ARID2: variants seen among roughly 807,000 people sequenced by gnomAD.
ARID2 encodes AT-rich interactive domain-containing protein 2.
A neutral mutation model predicts 184.6 loss-of-function variants in ARID2; 32 were observed. That is an observed-to-expected ratio of 0.17 (90% CI 0.13 to 0.23). The LOEUF (loss-of-function observed/expected upper bound fraction) is 0.23. Ranked by LOEUF, ARID2 falls within the 10% of genes least tolerant of loss-of-function variation. The pLI is 1.00. For synonymous variants in ARID2, 836 were observed against 772.6 expected (o/e 1.08, Z -1.36); for missense variants, 1,696 against 2,197.6 (o/e 0.77, Z 4.56).
At chr12:45,898,285 G>A (rs564427670) in intron 20 of ARID2, among the ~76,000 whole-genome samples, 4 of 152,302 alleles carry the variant, frequency 2.6e-5, no homozygotes, top group Admixed American at 2.6e-4. Context: ...GGTAGTTCAG[G>A]AATGGAGAGT....
chr12:45,821,600 C>G, intron 6 of ARID2, 113 bp downstream of exon 6: 1 of 535,302 alleles, frequency 1.9e-6, no homozygotes, highest in Non-Finnish European at 3.1e-6. Flanking sequence ...TTTATCTTTA[C>G]CTAATACATA....
intron 6 of ARID2, among the ~76,000 whole-genome samples, chr12:45,831,163 C>CT (rs1484374102): frequency 6.6e-6 from 1 of 151,994 alleles, no homozygotes; most frequent in Non-Finnish European, 1.5e-5. Context: ...TATTGCTGCA[C>CT]TTTTTCTAAC....
At chr12:45,900,230 T>C (rs571135058) in intron 20 of ARID2, among the ~76,000 whole-genome samples, 1 of 152,200 alleles carries the variant, frequency 6.6e-6, no homozygotes, top group South Asian at 2.1e-4. Flanking sequence ...CTGGCTAATT[T>C]TTTTATTTCT....
chr12:45,732,775 C>T (rs978047956), intron 3 of ARID2, among the ~76,000 whole-genome samples: 6 of 152,006 alleles, frequency 3.9e-5, no homozygotes, highest in Admixed American at 2.6e-4. Context: ...GATTGATTGA[C>T]TTAAGTTTTA....
At chr12:45,805,572 G>A (rs1040194147) in intron 3 of ARID2, among the ~76,000 whole-genome samples, 2 of 151,872 alleles carry the variant, frequency 1.3e-5, no homozygotes, top group Admixed American at 1.3e-4. Context: ...CCTATTATTA[G>A]TCATCTGTAT....
chr12:45,899,228 C>T (rs1189415913), intron 20 of ARID2, among the ~76,000 whole-genome samples: 3 of 128,360 alleles, frequency 2.3e-5, no homozygotes, highest in African/African-American at 9.1e-5. Context: ...GCCAAGATCA[C>T]ACCACTGCAT....
chr12:45,785,631 G>C (rs1366271549), intron 3 of ARID2, among the ~76,000 whole-genome samples: 2 of 152,070 alleles, frequency 1.3e-5, no homozygotes, highest in South Asian at 2.1e-4. Context: ...ATGCCAACAT[G>C]ACACTTAAAG....
intron 15 of ARID2, among the ~76,000 whole-genome samples, chr12:45,854,593 T>G (rs1943611384): frequency 6.6e-6 from 1 of 152,174 alleles, no homozygotes; most frequent in Admixed American, 6.6e-5. Flanking sequence ...TTTAATAATT[T>G]CCCACTTCAC....
intron 3 of ARID2, among the ~76,000 whole-genome samples, chr12:45,765,929 A>G (rs1592062622): frequency 6.6e-6 from 1 of 152,236 alleles, no homozygotes; most frequent in African/African-American, 2.4e-5. Context: ...ATGAAATCAT[A>G]CAATTTGTAC....
At chr12:45,831,141 C>CAT (rs1018994587) in intron 6 of ARID2, among the ~76,000 whole-genome samples, 23 of 151,550 alleles carry the variant, frequency 1.5e-4, no homozygotes, top group Non-Finnish European at 8.8e-5. Flanking sequence ...TTCTGCTTTT[C>CAT]ATATATCTTT....
chr12:45,899,447 T>C (rs377411642), intron 20 of ARID2, among the ~76,000 whole-genome samples: 3 of 137,678 alleles, frequency 2.2e-5, no homozygotes, highest in Non-Finnish European at 4.7e-5. Context: ...TAGTAAAATA[T>C]ACAAAAAAAT....
chr12:45,813,992 A>G (rs1472861936), intron 4 of ARID2, among the ~76,000 whole-genome samples: 1 of 151,908 alleles, frequency 6.6e-6, no homozygotes, highest in African/African-American at 2.4e-5. Context: ...TATTAGGTGG[A>G]TTATTATTAT....
At chr12:45,815,907 T>C (rs894398891) in intron 4 of ARID2, among the ~76,000 whole-genome samples, 2 of 152,148 alleles carry the variant, frequency 1.3e-5, no homozygotes, top group African/African-American at 4.8e-5. Flanking sequence ...GTGATCTTCC[T>C]TCCTCAGCCT....
intron 3 of ARID2, among the ~76,000 whole-genome samples, chr12:45,760,149 T>C (rs1188762239): frequency 6.6e-6 from 1 of 152,182 alleles, no homozygotes; most frequent in Non-Finnish European, 1.5e-5. Context: ...TTTCCAGATA[T>C]AATATTTTTA....
rs766521487 is a variant in ARID2, at chr12:45,849,586, C to T, written c.1722C>T (p.Val574=). The T allele has an allele frequency of 1.5e-5, 24 of 1,610,066 alleles. 1 individual carries two copies. Among genetic ancestry groups the T allele is most frequent in the South Asian group, 1.1e-5 (1 of 90,342 alleles). The change falls in exon 14 of 21, where the codon GTC becomes GTT. Residue 574 remains valine, a synonymous_variant. Coordinates refer to ENST00000334344, the MANE Select transcript of ARID2 (RefSeq NM_152641.4). ...TTATGTATGTACTTTACAGAACGGT[C>T]TTTCCAAATCATACAGTGAAGAGAG... is the stretch of plus-strand genomic sequence containing the variant. ...STGFYKCLRT[V]FPNHTVKRVE... is the part of the protein sequence containing the mutation.
intron 3 of ARID2, among the ~76,000 whole-genome samples, chr12:45,778,695 A>C (rs1423896803): frequency 6.6e-6 from 1 of 152,038 alleles, no homozygotes; most frequent in African/African-American, 2.4e-5. Flanking sequence ...ATTTTTAAAT[A>C]AATGACGGTT....
chr12:45,825,349 A>G (rs180809838), intron 6 of ARID2, among the ~76,000 whole-genome samples: 18 of 152,224 alleles, frequency 1.2e-4, no homozygotes, highest in Non-Finnish European at 1.6e-4. Context: ...TATCACAGGT[A>G]CCCCATAAGT....
At chr12:45,827,285 A>C (rs982371342) in intron 6 of ARID2, among the ~76,000 whole-genome samples, 2 of 152,124 alleles carry the variant, frequency 1.3e-5, no homozygotes, top group Admixed American at 1.3e-4. Context: ...AAAATATTGT[A>C]TAATTAGTTA....
chr12:45,796,375 G>T (rs928003542), intron 3 of ARID2, among the ~76,000 whole-genome samples: 1 of 152,062 alleles, frequency 6.6e-6, no homozygotes, highest in Non-Finnish European at 1.5e-5. Context: ...TTCCCTGTTG[G>T]ATAGTTAGGT....
Sources: gnomAD v4.1 joint callset for allele counts (sites outside exome capture counted in the v4.1 genomes callset) on GRCh38, gnomAD v4.1.1 for gene constraint, MANE v1.5 for transcripts, NCBI Gene and HGNC (gene_info 2026-07-23, HGNC 2026-07-21) for gene names.